FOXP2: variants seen among roughly 807,000 people sequenced by gnomAD.
The protein encoded by FOXP2 is forkhead box P2.
Under a neutral mutation model 115.8 loss-of-function variants are expected in FOXP2, and 12 were observed. The ratio of observed to expected loss-of-function variants is 0.10; its 90% confidence interval spans 0.07 to 0.17. The LOEUF is 0.17. Ranked by LOEUF, FOXP2 falls within the 10% of genes least tolerant of loss-of-function variation. FOXP2 has a pLI of 1.00. For missense variants in FOXP2, 629 were observed against 843.5 expected (o/e 0.75, Z 3.15); for synonymous variants, 328 against 297.7 (o/e 1.10, Z -1.05).
intron 1 of FOXP2, among the ~76,000 whole-genome samples, chr7:114,424,695 C>A (rs995070253): frequency 6.6e-6 from 1 of 151,174 alleles, no homozygotes; most frequent in African/African-American, 2.4e-5. Context: ...ATGATTTTTT[C>A]TTTGTTAATG....
chr7:114,330,203 A>AAC (rs1375896191), intron 2 of FOXP2, among the ~76,000 whole-genome samples: 1 of 152,100 alleles, frequency 6.6e-6, no homozygotes, highest in Admixed American at 6.6e-5. Context: ...ATTAGAGTTA[A>AAC]GGTTTAATAT....
chr7:114,354,550 C>CA, intron 2 of FOXP2, among the ~76,000 whole-genome samples: 1 of 152,202 alleles, frequency 6.6e-6, no homozygotes, highest in Admixed American at 6.5e-5. Flanking sequence ...CTCCTCCCTT[C>CA]ACCCAGACTG....
chr7:114,233,445 G>A (rs1347531374), intron 1 of FOXP2, among the ~76,000 whole-genome samples: 1 of 152,166 alleles, frequency 6.6e-6, no homozygotes, highest in East Asian at 1.9e-4. Flanking sequence ...TTATTGATTA[G>A]TGGATGTGAT....
intron 2 of FOXP2, among the ~76,000 whole-genome samples, chr7:114,477,609 A>G (rs550618760): frequency 6.6e-6 from 1 of 151,970 alleles, no homozygotes; most frequent in Non-Finnish European, 1.5e-5. Flanking sequence ...TTCCCATGTA[A>G]CAAACCTGCC....
At chr7:114,500,473 A>G (rs1419794705) in intron 2 of FOXP2, among the ~76,000 whole-genome samples, 1 of 152,078 alleles carries the variant, frequency 6.6e-6, no homozygotes, top group East Asian at 1.9e-4. Flanking sequence ...ATTAATATAT[A>G]CAACCCATTC....
At chr7:114,278,870 C>T (rs1796257406) in intron 1 of FOXP2, among the ~76,000 whole-genome samples, 2 of 152,156 alleles carry the variant, frequency 1.3e-5, no homozygotes. Flanking sequence ...AAATCCAGTG[C>T]CTGACCCAGT....
At chr7:114,358,453 T>C (rs1791666716) in intron 2 of FOXP2, among the ~76,000 whole-genome samples, 1 of 152,058 alleles carries the variant, frequency 6.6e-6, no homozygotes, top group Admixed American at 6.6e-5. Context: ...CCAGCAGAGA[T>C]TGGAACAGTT....
chr7:114,328,410 G>T (rs1475983595), intron 2 of FOXP2, among the ~76,000 whole-genome samples: 1 of 151,636 alleles, frequency 6.6e-6, no homozygotes, highest in Non-Finnish European at 1.5e-5. Context: ...CAAATTTTTT[G>T]TATTTTTGGT....
At chr7:114,624,541 C>T (rs1251831488) in intron 3 of FOXP2, among the ~76,000 whole-genome samples, 8 of 151,904 alleles carry the variant, frequency 5.3e-5, no homozygotes, top group East Asian at 3.9e-4. Context: ...AATTAAGGGA[C>T]GCACTTAATA....
At chr7:114,217,303 T>C (rs529166993) in intron 1 of FOXP2, among the ~76,000 whole-genome samples, 6 of 152,204 alleles carry the variant, frequency 3.9e-5, no homozygotes, top group Admixed American at 2.0e-4. Context: ...TGGACCTGCT[T>C]CTTTGAGAAT....
chr7:114,299,360 A>G (rs1029943233), intron 2 of FOXP2, among the ~76,000 whole-genome samples: 1 of 152,032 alleles, frequency 6.6e-6, no homozygotes, highest in African/African-American at 2.4e-5. Flanking sequence ...TGTTATTAAG[A>G]CATACTTTAT....
intron 2 of FOXP2, among the ~76,000 whole-genome samples, chr7:114,454,186 A>G (rs1028497307): frequency 2.6e-5 from 4 of 151,508 alleles, no homozygotes; most frequent in Non-Finnish European, 4.4e-5. Context: ...AAAACAAACA[A>G]CCCCATCAAA....
intron 1 of FOXP2, among the ~76,000 whole-genome samples, chr7:114,218,293 A>G (rs1374395393): frequency 6.6e-6 from 1 of 152,162 alleles, no homozygotes; most frequent in African/African-American, 2.4e-5. Context: ...ACAAAATGAC[A>G]TCTCTCTGCC....
intron 3 of FOXP2, among the ~76,000 whole-genome samples, chr7:114,572,010 C>T (rs1396762315): frequency 6.6e-6 from 1 of 151,642 alleles, no homozygotes; most frequent in South Asian, 2.1e-4. Flanking sequence ...AATTGGCGAA[C>T]AACAACAAAA....
At chr7:114,565,221 A>G (rs1443076589) in intron 3 of FOXP2, among the ~76,000 whole-genome samples, 2 of 151,964 alleles carry the variant, frequency 1.3e-5, no homozygotes, top group African/African-American at 4.8e-5. Context: ...ATGTTGTTGT[A>G]TCCTAATTTA....
At chr7:114,590,545 G>A (rs1290654922) in intron 3 of FOXP2, among the ~76,000 whole-genome samples, 3 of 152,074 alleles carry the variant, frequency 2.0e-5, no homozygotes, top group Admixed American at 1.3e-4. Flanking sequence ...GAAGGCAGAT[G>A]TAACTAAGAC....
chr7:114,263,123 T>C (rs1157497200), intron 1 of FOXP2, among the ~76,000 whole-genome samples: 1 of 152,190 alleles, frequency 6.6e-6, no homozygotes, highest in East Asian at 1.9e-4. Flanking sequence ...TGCTCCATTG[T>C]CAATCCTTTT....
At chr7:114,580,506 A>G (rs1441920743) in intron 3 of FOXP2, among the ~76,000 whole-genome samples, 1 of 152,186 alleles carries the variant, frequency 6.6e-6, no homozygotes, top group Admixed American at 6.5e-5. Context: ...TGAACCCGGG[A>G]GGCAGAGGTT....
At chr7:114,544,843 C>G (rs1221451620) in intron 3 of FOXP2, among the ~76,000 whole-genome samples, 2 of 152,180 alleles carry the variant, frequency 1.3e-5, no homozygotes, top group African/African-American at 2.4e-5. Context: ...TCATGGCCAT[C>G]ATTTGAAGTT....
Sources: gnomAD v4.1 joint callset for allele counts (sites outside exome capture counted in the v4.1 genomes callset) on GRCh38, gnomAD v4.1.1 for gene constraint, MANE v1.5 for transcripts, NCBI Gene and HGNC (gene_info 2026-07-23, HGNC 2026-07-21) for gene names.